The following MACROD2 variants were observed in gnomAD, a reference collection of about 807,000 sequenced individuals.
MACROD2 encodes the protein ADP-ribose glycohydrolase MACROD2.
A neutral mutation model predicts 70.4 loss-of-function variants in MACROD2; 36 were observed. The observed-to-expected ratio is 0.51, with a 90% CI of 0.39 to 0.68. MACROD2 has a LOEUF of 0.68. MACROD2 is among the 30% of genes least tolerant of loss of function. The pLI, the probability that MACROD2 is intolerant of heterozygous loss-of-function variation, is 0.00. For missense variants in MACROD2, 496 were observed against 538.4 expected, an observed-to-expected ratio of 0.92 and a Z score of 0.78; for synonymous variants, 172 against 178.8, an observed-to-expected ratio of 0.96 and a Z score of 0.30.
At chr20:15,461,006 A>ATATATATATATATATATATATATATATT in intron 7 of MACROD2, among the ~76,000 whole-genome samples, 5 of 67,012 alleles carry the variant, frequency 7.5e-5, no homozygotes, top group Non-Finnish European at 1.3e-4. Context: ...ATATATATAT[A>ATATATATATATATATATATATATATATT]TTTTTTTTTA....
chr20:15,536,242 CT>C (rs2047873355), intron 8 of MACROD2, among the ~76,000 whole-genome samples: 1 of 152,160 alleles, frequency 6.6e-6, no homozygotes, highest in Admixed American at 6.5e-5. Flanking sequence ...CATGTCACCC[CT>C]GGTTTTGTTC....
intron 8 of MACROD2, among the ~76,000 whole-genome samples, chr20:15,819,534 G>T (rs1261257573): frequency 6.8e-6 from 1 of 146,172 alleles, no homozygotes; most frequent in African/African-American, 2.5e-5. Flanking sequence ...TGTCAATATA[G>T]GTACATAAAC....
chr20:14,809,522 G>T (rs1447297668), intron 5 of MACROD2, among the ~76,000 whole-genome samples: 2 of 151,766 alleles, frequency 1.3e-5, no homozygotes, highest in African/African-American at 2.4e-5. Flanking sequence ...ACAATTAAAA[G>T]AACTAGAGAA....
chr20:15,289,584 T>A lies in MACROD2; in HGVS notation c.540+59523T>A, dbSNP rs546078395. ...TGAAGAACAAGGAAGTGGCAGGAGA[T>A]GGAGCTAAACAGGTCATCAGAGGTA... On this transcript the variant is annotated intron_variant, in intron 6 of 17. Coordinates refer to ENST00000684519, the MANE Select transcript of MACROD2 (RefSeq NM_001351661.2). Among the ~76,000 whole-genome samples, 60 of 152,324 alleles carry A rather than the reference T, an allele frequency of 3.9e-4. 1 individual carries two copies. Among genetic ancestry groups the A allele is most frequent in the Non-Finnish European group, 7.8e-4 (53 of 68,024 alleles).
intron 5 of MACROD2, among the ~76,000 whole-genome samples, chr20:15,106,789 C>T (rs1304773734): frequency 6.6e-6 from 1 of 151,990 alleles, no homozygotes; most frequent in Non-Finnish European, 1.5e-5. Context: ...ATGTTAGGTG[C>T]ACAAATATAT....
At chr20:14,030,445 G>A (rs963646727) in intron 2 of MACROD2, among the ~76,000 whole-genome samples, 11 of 152,022 alleles carry the variant, frequency 7.2e-5, no homozygotes, top group South Asian at 6.2e-4. Flanking sequence ...GTCTTGTGGT[G>A]ATGCCCAGGC....
At chr20:14,496,116 T>C (rs2084850205) in intron 4 of MACROD2, among the ~76,000 whole-genome samples, 2 of 152,198 alleles carry the variant, frequency 1.3e-5, no homozygotes, top group African/African-American at 4.8e-5. Context: ...CTCAGTGATA[T>C]TTGTAAAGTA....
Position 14,691,984 on chromosome 20 carries a change from G to A in MACROD2, c.418+7025G>A, listed in dbSNP as rs568973828. 2.6e-4 allele frequency among the ~76,000 whole-genome samples: 40 copies of A among 152,188 alleles called. No individual in the cohort carries two copies. The South Asian group carries it at 2.9e-3, about 11-fold the overall frequency. Reference sequence around the variant, plus strand: ...TATTTGAATCTATTTCTCCATAATTGTCACCCTTTTCATTTACATTAAGCA... The same window carrying A: ...TATTTGAATCTATTTCTCCATAATTATCACCCTTTTCATTTACATTAAGCA... On this transcript the variant is annotated intron_variant, in intron 5 of 17. Coordinates refer to ENST00000684519, the MANE Select transcript of MACROD2 (RefSeq NM_001351661.2).
chr20:15,037,833 A>G (rs1471268239), intron 5 of MACROD2, among the ~76,000 whole-genome samples: 1 of 152,150 alleles, frequency 6.6e-6, no homozygotes, highest in Non-Finnish European at 1.5e-5. Context: ...AATGAATTAC[A>G]ATTAGACAGG....
intron 3 of MACROD2, among the ~76,000 whole-genome samples, chr20:14,153,049 C>T (rs1335566093): frequency 1.3e-5 from 2 of 151,990 alleles, no homozygotes; most frequent in Admixed American, 1.3e-4. Flanking sequence ...AGATAGATGT[C>T]AATAATCAAC....
chr20:14,759,296 A>G (rs2071984181), intron 5 of MACROD2, among the ~76,000 whole-genome samples: 1 of 152,232 alleles, frequency 6.6e-6, no homozygotes, highest in East Asian at 1.9e-4. Flanking sequence ...ACTACATAGG[A>G]AGCTGCTGAA....
chr20:14,274,983 C>G (rs1412043404), intron 3 of MACROD2, among the ~76,000 whole-genome samples: 1 of 151,832 alleles, frequency 6.6e-6, no homozygotes, highest in Non-Finnish European at 1.5e-5. Flanking sequence ...AACCAGCGCT[C>G]AATGAAATAA....
chr20:14,097,080 TC>T (rs752212285), intron 3 of MACROD2, among the ~76,000 whole-genome samples: 11 of 152,184 alleles, frequency 7.2e-5, no homozygotes, highest in Non-Finnish European at 8.8e-5. Context: ...TTCCTCTATT[TC>T]CCAAAGCACT....
At chr20:14,547,540 A>C (rs1255446222) in intron 4 of MACROD2, 1 of 155,430 alleles carries the variant, frequency 6.4e-6, no homozygotes, top group Admixed American at 6.5e-5. Context: ...ATGTGACAGC[A>C]GTGGCTCCTG....
At chr20:14,890,937 A>T (rs542919549) in intron 5 of MACROD2, among the ~76,000 whole-genome samples, 45 of 122,684 alleles carry the variant, frequency 3.7e-4, no homozygotes, top group African/African-American at 1.4e-3. Flanking sequence ...ACAAATAGGG[A>T]TCTTCTTTCT....
chr20:14,632,443 T>C (rs1984566630), intron 4 of MACROD2, among the ~76,000 whole-genome samples: 1 of 152,188 alleles, frequency 6.6e-6, no homozygotes, highest in African/African-American at 2.4e-5. Context: ...ATATTTGTAA[T>C]TCATGCAGCA....
At chr20:14,661,636 C>T (rs1396877397) in intron 4 of MACROD2, among the ~76,000 whole-genome samples, 1 of 151,956 alleles carries the variant, frequency 6.6e-6, no homozygotes, top group Admixed American at 6.6e-5. Context: ...AGGCCAAGGT[C>T]TAGAAGGGTT....
At chr20:15,871,860 G>T (rs898527827) in intron 9 of MACROD2, among the ~76,000 whole-genome samples, 3 of 152,138 alleles carry the variant, frequency 2.0e-5, no homozygotes, top group Admixed American at 2.0e-4. Flanking sequence ...GTAAGTCCTT[G>T]GTTGAGAAAT....
Position 15,163,064 on chromosome 20 carries a change from A to G in MACROD2, c.419-66876A>G, listed in dbSNP as rs117664322. Among the ~76,000 whole-genome samples the G allele has an allele frequency of 5.0e-3, 766 of 152,208 alleles. 4 individuals are homozygous for G. Among genetic ancestry groups the G allele is most frequent in the Non-Finnish European group, 7.8e-3 (529 of 67,960 alleles). On this transcript the variant is annotated intron_variant, in intron 5 of 17. Coordinates refer to ENST00000684519, the MANE Select transcript of MACROD2 (RefSeq NM_001351661.2). ...AAGCCCTTATATTGTTTACAAGGAG[A>G]TTAAAATAATCTGTAAAGTCTAGTA...
Sources: gnomAD v4.1 joint callset for allele counts (sites outside exome capture counted in the v4.1 genomes callset) on GRCh38, gnomAD v4.1.1 for gene constraint, MANE v1.5 for transcripts, NCBI Gene and HGNC (gene_info 2026-07-23, HGNC 2026-07-21) for gene names.